SORCS1: variants seen among roughly 807,000 people sequenced by gnomAD.
SORCS1 encodes VPS10 domain-containing receptor SorCS1.
Under a neutral mutation model 146.1 loss-of-function variants are expected in SORCS1, and 60 were observed. That is an observed-to-expected ratio of 0.41 (90% CI 0.33 to 0.51). The LOEUF (loss-of-function observed/expected upper bound fraction) is 0.51, where lower values mean the gene tolerates loss of function less well. Ranked by LOEUF, SORCS1 falls within the 20% of genes least tolerant of loss-of-function variation. The probability of loss-of-function intolerance (pLI) is 0.21; values close to 1 mark genes in which losing one functional copy is unlikely to be tolerated. For missense variants in SORCS1, 1,352 were observed against 1,487.6 expected, an observed-to-expected ratio of 0.91 and a Z score of 1.50; for synonymous variants, 637 against 584.0, an observed-to-expected ratio of 1.09 and a Z score of -1.31.
At chr10:106,924,110 C>T (rs1411304274) in intron 2 of SORCS1, among the ~76,000 whole-genome samples, 3 of 152,062 alleles carry the variant, frequency 2.0e-5, no homozygotes, top group Admixed American at 6.5e-5. Context: ...TAAAATTAGT[C>T]GGGCGTGGAG....
chr10:107,093,861 T>G (rs1279441127), intron 1 of SORCS1, among the ~76,000 whole-genome samples: 6 of 152,098 alleles, frequency 3.9e-5, no homozygotes, highest in African/African-American at 1.4e-4. Context: ...CTGCTCCAGC[T>G]CTTGTAACTT....
intron 3 of SORCS1, among the ~76,000 whole-genome samples, chr10:106,798,305 A>G (rs1365280109): frequency 6.6e-6 from 1 of 152,050 alleles, no homozygotes; most frequent in Non-Finnish European, 1.5e-5. Context: ...TCTTTTTTTT[A>G]TACTTTAAGT....
chr10:107,153,931 G>A (rs1969050832), intron 1 of SORCS1, among the ~76,000 whole-genome samples: 1 of 148,720 alleles, frequency 6.7e-6, no homozygotes, highest in South Asian at 2.2e-4. Context: ...TCCCACAAAA[G>A]TTTAATTTTA....
intron 2 of SORCS1, among the ~76,000 whole-genome samples, chr10:106,911,055 C>T (rs978740388): frequency 6.6e-6 from 1 of 152,230 alleles, no homozygotes; most frequent in African/African-American, 2.4e-5. Flanking sequence ...CACTTAAACT[C>T]TCTAAGCTCC....
At chr10:106,589,789 T>C (rs1462020268) in intron 24 of SORCS1, among the ~76,000 whole-genome samples, 1 of 152,076 alleles carries the variant, frequency 6.6e-6, no homozygotes, top group Non-Finnish European at 1.5e-5. Flanking sequence ...ACTTGAGTTG[T>C]AAACTTGTGT....
In SORCS1 at chr10:106,798,518, A is replaced by C. The variant is rs541973835; in HGVS notation, c.727-21826T>G. 6.7e-4 allele frequency among the ~76,000 whole-genome samples: 94 copies of C among 141,266 alleles called. 4 individuals carry two copies. In the East Asian group the frequency reaches 0.016, roughly 24 times the overall value. 92.7% of individuals were successfully genotyped at this position (141,266 alleles called of 152,430 possible). On this transcript the variant is annotated intron_variant, in intron 3 of 25. Transcript: ENST00000263054. The stretch of plus-strand genomic sequence containing the variant: ...TGTTCTCATTGTTCAATTCCCACCT[A>C]TGAATGAGAACATGCAGTGTTTGGT...
intron 3 of SORCS1, among the ~76,000 whole-genome samples, chr10:106,814,532 C>A (rs367565355): frequency 6.6e-6 from 1 of 152,182 alleles, no homozygotes; most frequent in African/African-American, 2.4e-5. Flanking sequence ...TCCTACCCAC[C>A]TCATGGTATT....
chr10:106,740,832 AAGAC>A (rs1857310539), intron 5 of SORCS1, among the ~76,000 whole-genome samples: 1 of 152,248 alleles, frequency 6.6e-6, no homozygotes, highest in African/African-American at 2.4e-5. Context: ...AGATAAGAGA[AAGAC>A]AGTGTTATCT....
At chr10:106,765,618 G>A (rs184639352) in intron 4 of SORCS1, among the ~76,000 whole-genome samples, 1 of 152,046 alleles carries the variant, frequency 6.6e-6, no homozygotes, top group Non-Finnish European at 1.5e-5. Flanking sequence ...AAAATAGCCT[G>A]GGGGAGGGAA....
intron 3 of SORCS1, among the ~76,000 whole-genome samples, chr10:106,817,445 C>A (rs1947798775): frequency 6.6e-6 from 1 of 152,146 alleles, no homozygotes; most frequent in Non-Finnish European, 1.5e-5. Context: ...AAATGCTTGG[C>A]TGCTTCTTTT....
At chr10:106,784,966 C>T (rs553680693) in intron 3 of SORCS1, among the ~76,000 whole-genome samples, 1 of 152,304 alleles carries the variant, frequency 6.6e-6, no homozygotes, top group East Asian at 1.9e-4. Flanking sequence ...AGTCCATAGA[C>T]ATTAATCCAC....
chr10:106,712,344 C>T (rs1261263604), intron 6 of SORCS1, among the ~76,000 whole-genome samples: 1 of 152,180 alleles, frequency 6.6e-6, no homozygotes, highest in East Asian at 1.9e-4. Context: ...ATCTCATTGT[C>T]TAGATGCAGT....
intron 4 of SORCS1, among the ~76,000 whole-genome samples, chr10:106,763,658 A>G (rs1484519117): frequency 6.6e-6 from 1 of 152,156 alleles, no homozygotes; most frequent in African/African-American, 2.4e-5. Flanking sequence ...TCAGAGCCAG[A>G]TGAAAGGCCA....
At chr10:107,157,989 A>C (rs746432477) in intron 1 of SORCS1, among the ~76,000 whole-genome samples, 7 of 152,228 alleles carry the variant, frequency 4.6e-5, no homozygotes, top group African/African-American at 7.2e-5. Context: ...AACAGGACAA[A>C]TATTTTACAT....
chr10:107,168,886 T>G (rs1425624080), upstream of SORCS1, among the ~76,000 whole-genome samples: 5 of 152,274 alleles, frequency 3.3e-5, no homozygotes, highest in South Asian at 8.3e-4. Flanking sequence ...TTGATGATTT[T>G]CTATGTGTCA....
At chr10:106,700,831 A>G (rs1241926575) in intron 8 of SORCS1, among the ~76,000 whole-genome samples, 1 of 152,232 alleles carries the variant, frequency 6.6e-6, no homozygotes, top group African/African-American at 2.4e-5. Flanking sequence ...TCCATATGAC[A>G]TACTCAAGTT....
chr10:106,638,806 G>A (rs930369559), intron 18 of SORCS1, among the ~76,000 whole-genome samples: 1 of 152,102 alleles, frequency 6.6e-6, no homozygotes, highest in Non-Finnish European at 1.5e-5. Flanking sequence ...GGCAACCTGG[G>A]AATTAGAAGA....
chr10:106,750,406 T>C (rs13376943), intron 5 of SORCS1, among the ~76,000 whole-genome samples: 2 of 151,622 alleles, frequency 1.3e-5, no homozygotes, highest in African/African-American at 2.4e-5. Flanking sequence ...AATTTGAAGG[T>C]AAAACTTGCT....
At chr10:106,932,021 A>G (rs1310771518) in intron 2 of SORCS1, among the ~76,000 whole-genome samples, 1 of 152,132 alleles carries the variant, frequency 6.6e-6, no homozygotes, top group Non-Finnish European at 1.5e-5. Flanking sequence ...GCTTCCAGGA[A>G]GCTTAGGAAA....
Sources: gnomAD v4.1 joint callset for allele counts (sites outside exome capture counted in the v4.1 genomes callset) on GRCh38, gnomAD v4.1.1 for gene constraint, MANE v1.5 for transcripts, NCBI Gene and HGNC (gene_info 2026-07-23, HGNC 2026-07-21) for gene names.